The following IPO11 variants were observed in gnomAD, a reference collection of about 807,000 sequenced individuals.
IPO11 encodes the protein importin 11.
IPO11 carries 66 observed loss-of-function variants against 143.2 expected under a neutral mutation model. That is an observed-to-expected ratio of 0.46 (90% CI 0.38 to 0.57). IPO11 has a LOEUF of 0.57. Ranked by LOEUF, IPO11 falls within the 20% of genes least tolerant of loss-of-function variation. IPO11 has a pLI of 0.00. For missense variants in IPO11, 1,026 were observed against 1,141.0 expected (o/e 0.90, Z 1.45); for synonymous variants, 385 against 377.8 (o/e 1.02, Z -0.22).
intron 3 of IPO11, chr5:62,443,392 T>A (rs1580184689): frequency 4.1e-5 from 5 of 122,972 alleles, no homozygotes; most frequent in Non-Finnish European, 7.4e-5. Flanking sequence ...AGTGTGTGTG[T>A]GTGTGTGTGT....
intron 29 of IPO11, among the ~76,000 whole-genome samples, chr5:62,620,459 C>A (rs1426500269): frequency 7.0e-6 from 1 of 141,888 alleles, no homozygotes; most frequent in Non-Finnish European, 1.5e-5. Flanking sequence ...GCGGAGCTTG[C>A]GGTGAGCCAA....
At chr5:62,589,995 C>T (rs1023468464) in intron 27 of IPO11, among the ~76,000 whole-genome samples, 15 of 152,142 alleles carry the variant, frequency 9.9e-5, no homozygotes, top group Admixed American at 5.9e-4. Context: ...ACAGTAAGGT[C>T]GAAGTCGTCT....
intron 29 of IPO11, among the ~76,000 whole-genome samples, chr5:62,606,053 G>GA (rs925256177): frequency 4.6e-5 from 7 of 151,636 alleles, no homozygotes; most frequent in African/African-American, 1.7e-4. Context: ...TTATTACTTG[G>GA]TTTTTTTTAA....
chr5:62,488,544 A>T (rs1385419379), intron 13 of IPO11, among the ~76,000 whole-genome samples: 1 of 152,208 alleles, frequency 6.6e-6, no homozygotes, highest in Non-Finnish European at 1.5e-5. Context: ...AAGTGGTAGG[A>T]GATAGAGATA....
intron 5 of IPO11, among the ~76,000 whole-genome samples, chr5:62,459,706 A>G (rs1745290124): frequency 6.6e-6 from 1 of 152,022 alleles, no homozygotes; most frequent in Non-Finnish European, 1.5e-5. Context: ...GTGTGCCACC[A>G]TGCCTGGTTA....
chr5:62,531,177 G>GTTTGT (rs559968050), intron 22 of IPO11, among the ~76,000 whole-genome samples: 162 of 152,186 alleles, frequency 1.1e-3, no homozygotes, highest in African/African-American at 3.7e-3. Flanking sequence ...TGTTGGTGTT[G>GTTTGT]TTTGTTTTGT....
chr5:62,577,180 AT>A (rs550126181), intron 27 of IPO11, among the ~76,000 whole-genome samples: 1 of 151,752 alleles, frequency 6.6e-6, no homozygotes, highest in Admixed American at 6.6e-5. Flanking sequence ...GGAGATAGGA[AT>A]TTTTTTTTAA....
rs1745599780 is a variant in IPO11, at chr5:62,467,155, G to A, written c.541G>A (p.Ala181Thr). The A allele has an allele frequency of 6.2e-7, 1 of 1,608,902 alleles. No individual in the cohort carries two copies. Among genetic ancestry groups the A allele is most frequent in the Non-Finnish European group, 8.5e-7 (1 of 1,178,794 alleles). ...YDLASGIYNF[A>T]CSLWNHHTDT... ...GTTAGCTTCTGGAATTTATAATTTT[G>A]CCTGCTCTCTGTGGAATCACCACAC... is the stretch of plus-strand genomic sequence containing the variant. The change falls in exon 6 of 30, where the codon GCC becomes ACC. Residue 181 changes from alanine to threonine, a missense_variant. By Grantham distance (58) the Ala-to-Thr change is moderately conservative. Coordinates refer to ENST00000325324, the MANE Select transcript of IPO11 (RefSeq NM_016338.5).
intron 22 of IPO11, among the ~76,000 whole-genome samples, chr5:62,534,851 T>A (rs1338410678): frequency 6.6e-6 from 1 of 152,124 alleles, no homozygotes; most frequent in Admixed American, 6.6e-5. Flanking sequence ...TTACTCAGTA[T>A]CTGAAAGTAA....
At chr5:62,459,006 A>G (rs1745264523) in intron 5 of IPO11, among the ~76,000 whole-genome samples, 1 of 152,152 alleles carries the variant, frequency 6.6e-6, no homozygotes, top group Non-Finnish European at 1.5e-5. Flanking sequence ...AAATATTTGG[A>G]TTCTTACTCT....
chr5:62,479,946 A>G (rs1273209972), intron 9 of IPO11, among the ~76,000 whole-genome samples: 1 of 152,166 alleles, frequency 6.6e-6, no homozygotes, highest in African/African-American at 2.4e-5. Context: ...TAGTTTAATT[A>G]GCTCCCATTT....
chr5:62,588,642 C>T (rs1210529334), intron 27 of IPO11, among the ~76,000 whole-genome samples: 3 of 152,226 alleles, frequency 2.0e-5, no homozygotes, highest in Non-Finnish European at 4.4e-5. Flanking sequence ...TCAACTCAGA[C>T]TTCTCATTCA....
chr5:62,519,221 G>A (rs1017899941), intron 20 of IPO11, among the ~76,000 whole-genome samples: 1 of 152,204 alleles, frequency 6.6e-6, no homozygotes, highest in Non-Finnish European at 1.5e-5. Flanking sequence ...AAGCATTAGA[G>A]AATGCAGTAC....
intron 1 of IPO11, among the ~76,000 whole-genome samples, chr5:62,423,159 A>C (rs549366906): frequency 2.0e-5 from 3 of 152,202 alleles, no homozygotes; most frequent in Admixed American, 6.5e-5. Flanking sequence ...CATTCAGCAC[A>C]CTATTTACTC....
At chr5:62,563,129 C>G (rs1005946173) in intron 27 of IPO11, among the ~76,000 whole-genome samples, 1 of 152,262 alleles carries the variant, frequency 6.6e-6, no homozygotes, top group Admixed American at 6.5e-5. Context: ...GGTGTGGCAT[C>G]TTATTTATTT....
At position 62,452,758 on chromosome 5, in the gene IPO11, G is replaced by GTGTA. The variant is rs797020141; in HGVS notation, c.516+827_516+828insTATG. 2.5e-3 allele frequency among the ~76,000 whole-genome samples: 360 copies of GTGTA among 142,876 alleles called. 13 individuals carry two copies. Among genetic ancestry groups the GTGTA allele is most frequent in the African/African-American group, 6.0e-3 (215 of 35,954 alleles). The allele number at this position is 142,876 out of a possible 152,430, so 93.7% of individuals were successfully genotyped here. On this transcript the variant is annotated intron_variant, in intron 5 of 29. Coordinates refer to ENST00000325324, the MANE Select transcript of IPO11 (RefSeq NM_016338.5). ...TGTGTGTGTGTGTGTGTGTGTGTGT[G>GTGTA]TGCACGCATTTTGAGACGGGGTTTT...
chr5:62,550,319 A>C (rs755322794), intron 24 of IPO11, 48 bp from the exon 25 acceptor site: 1 of 1,380,858 alleles, frequency 7.2e-7, no homozygotes, highest in South Asian at 1.2e-5. Flanking sequence ...GTTTTTCATA[A>C]AGCAATGACT....
At chr5:62,605,210 G>A (rs1371840688) in intron 29 of IPO11, among the ~76,000 whole-genome samples, 1 of 152,172 alleles carries the variant, frequency 6.6e-6, no homozygotes, top group Non-Finnish European at 1.5e-5. Flanking sequence ...TCTTAAAGTA[G>A]TCCATAAAAT....
intron 15 of IPO11, 86 bp downstream of exon 15, chr5:62,490,306 A>G: frequency 1.2e-6 from 1 of 805,044 alleles, no homozygotes; most frequent in South Asian, 2.4e-5. Flanking sequence ...AAAATGGCTT[A>G]CAATTTAAAA....
Sources: allele counts gnomAD v4.1 joint callset (sites outside exome capture counted in the v4.1 genomes callset), GRCh38; gene constraint gnomAD v4.1.1; transcripts MANE v1.5; gene names NCBI Gene and HGNC (gene_info 2026-07-23, HGNC 2026-07-21).